Variants in FHIT observed in about 807,000 individuals in gnomAD.
FHIT encodes fragile histidine triad diadenosine triphosphatase, also known as bis(5'-adenosyl)-triphosphatase.
In FHIT, 19 loss-of-function variants were observed where a neutral mutation model predicts 17.9. The observed-to-expected ratio is 1.06, with a 90% CI of 0.74 to 1.56. The LOEUF (loss-of-function observed/expected upper bound fraction) is 1.56, where lower values mean the gene tolerates loss of function less well. FHIT is among the 40% of genes most tolerant of loss of function. The pLI, the probability that FHIT is intolerant of heterozygous loss-of-function variation, is 0.00. For missense variants in FHIT, 248 were observed against 189.2 expected (o/e 1.31, Z -1.82); for synonymous variants, 81 against 69.7 (o/e 1.16, Z -0.81).
intron 4 of FHIT, among the ~76,000 whole-genome samples, chr3:60,806,951 G>T (rs375050995): frequency 5.4e-4 from 82 of 152,246 alleles, no homozygotes; most frequent in African/African-American, 1.9e-3. Flanking sequence ...CTAGCCAGTT[G>T]ACCCAGAAAC....
rs1282553155 is a variant in FHIT, at chr3:60,611,144, G to A, written c.-17-74165C>T. Among the ~76,000 whole-genome samples, 2 of 152,146 alleles carry A rather than the reference G, an allele frequency of 1.3e-5. 1 individual carries two copies. Among genetic ancestry groups the A allele is most frequent in the Non-Finnish European group, 2.9e-5 (2 of 68,028 alleles). ...CATCTCATAGTTGTCTTCTCATCCT[G>A]CTGAGATTCATTTATTTAACAAATG... On this transcript the variant is annotated intron_variant, in intron 4 of 9. Transcript: ENST00000492590.
At chr3:60,749,544 A>C (rs2042425879) in intron 4 of FHIT, among the ~76,000 whole-genome samples, 1 of 152,180 alleles carries the variant, frequency 6.6e-6, no homozygotes, top group South Asian at 2.1e-4. Context: ...AGAAGGAACT[A>C]ATGGTGACTT....
chr3:60,307,524 T>C (rs1476308349), intron 5 of FHIT, among the ~76,000 whole-genome samples: 1 of 152,164 alleles, frequency 6.6e-6, no homozygotes, highest in Non-Finnish European at 1.5e-5. Flanking sequence ...GTGTGTTGTT[T>C]GACAATGATA....
chr3:60,732,533 T>C (rs2042050955), intron 4 of FHIT: 4 of 656,126 alleles, frequency 6.1e-6, no homozygotes, highest in Non-Finnish European at 1.2e-5. Flanking sequence ...AGCACGAAAG[T>C]TTTCTGCTGT....
chr3:59,985,900 C>T (rs922370834), intron 7 of FHIT, among the ~76,000 whole-genome samples: 4 of 151,740 alleles, frequency 2.6e-5, no homozygotes, highest in South Asian at 2.1e-4. Flanking sequence ...ACTTAGGATA[C>T]ATTTATAGAG....
intron 7 of FHIT, among the ~76,000 whole-genome samples, chr3:59,934,411 T>G (rs1706128329): frequency 6.6e-6 from 1 of 152,124 alleles, no homozygotes; most frequent in Non-Finnish European, 1.5e-5. Flanking sequence ...CAGTAAGCTC[T>G]TCTGCAAGAG....
chr3:61,068,884 G>A (rs1210550003), intron 2 of FHIT, among the ~76,000 whole-genome samples: 1 of 152,092 alleles, frequency 6.6e-6, no homozygotes, highest in Non-Finnish European at 1.5e-5. Flanking sequence ...AAAAAGTAAT[G>A]AGAAAAAGGC....
At chr3:60,235,012 A>G (rs1032709016) in intron 5 of FHIT, among the ~76,000 whole-genome samples, 2 of 152,106 alleles carry the variant, frequency 1.3e-5, no homozygotes, top group Non-Finnish European at 2.9e-5. Flanking sequence ...CAAGTGCATC[A>G]GGAGCAGTTT....
intron 5 of FHIT, among the ~76,000 whole-genome samples, chr3:60,534,959 T>C (rs1446897398): frequency 2.6e-5 from 4 of 152,224 alleles, no homozygotes; most frequent in Non-Finnish European, 5.9e-5. Context: ...GTCTGAAATA[T>C]CAAATTACTC....
chr3:60,493,746 C>G (rs545495574), intron 5 of FHIT, among the ~76,000 whole-genome samples: 2 of 151,978 alleles, frequency 1.3e-5, no homozygotes, highest in Non-Finnish European at 2.9e-5. Flanking sequence ...AATATTCAAA[C>G]GAGAGATACG....
intron 5 of FHIT, among the ~76,000 whole-genome samples, chr3:60,088,964 C>A (rs949104241): frequency 2.6e-5 from 4 of 152,184 alleles, no homozygotes; most frequent in African/African-American, 9.7e-5. Context: ...AGGGTATATG[C>A]TTTTAGGCCA....
intron 4 of FHIT, among the ~76,000 whole-genome samples, chr3:60,737,796 G>A (rs182850709): frequency 6.6e-6 from 1 of 152,214 alleles, no homozygotes; most frequent in Non-Finnish European, 1.5e-5. Flanking sequence ...TGGGAGCAGG[G>A]TTACATCACA....
chr3:60,358,509 C>A (rs2106982586), intron 5 of FHIT, among the ~76,000 whole-genome samples: 1 of 152,312 alleles, frequency 6.6e-6, no homozygotes, highest in Admixed American at 6.5e-5. Context: ...ACGTAAATCA[C>A]AATGAATTAT....
chr3:60,310,215 G>A (rs1225408436), intron 5 of FHIT, among the ~76,000 whole-genome samples: 1 of 152,138 alleles, frequency 6.6e-6, no homozygotes, highest in Non-Finnish European at 1.5e-5. Flanking sequence ...CCTGTTATTT[G>A]AAGGCTTTTG....
chr3:59,936,715 AC>A (rs1341747141), intron 7 of FHIT, among the ~76,000 whole-genome samples: 4 of 152,132 alleles, frequency 2.6e-5, no homozygotes, highest in Admixed American at 2.0e-4. Context: ...GGAATTAGCA[AC>A]TTGTCCTGTT....
At chr3:60,791,191 C>G (rs1700765224) in intron 4 of FHIT, among the ~76,000 whole-genome samples, 1 of 151,710 alleles carries the variant, frequency 6.6e-6, no homozygotes, top group African/African-American at 2.4e-5. Context: ...CTGTTTCAAA[C>G]AAAGCAACAA....
At chr3:59,857,246 A>G (rs571362945) in intron 8 of FHIT, among the ~76,000 whole-genome samples, 1 of 152,338 alleles carries the variant, frequency 6.6e-6, no homozygotes, top group East Asian at 1.9e-4. Flanking sequence ...TTCAGAGGGC[A>G]GGAATGAGCG....
chr3:60,420,886 C>T (rs1489392052), intron 5 of FHIT, among the ~76,000 whole-genome samples: 1 of 152,112 alleles, frequency 6.6e-6, no homozygotes. Flanking sequence ...TTCTGGCTTG[C>T]CTTCCATCTC....
chr3:59,855,993 A>C (rs1018260662), intron 8 of FHIT, among the ~76,000 whole-genome samples: 2 of 152,014 alleles, frequency 1.3e-5, no homozygotes, highest in Non-Finnish European at 2.9e-5. Context: ...GTGTTAGCCA[A>C]GATGGTCTTG....
Sources: allele counts gnomAD v4.1 joint callset (sites outside exome capture counted in the v4.1 genomes callset), GRCh38; gene constraint gnomAD v4.1.1; transcripts MANE v1.5; gene names NCBI Gene and HGNC (gene_info 2026-07-23, HGNC 2026-07-21).